Variants in ITPR1 observed in about 807,000 individuals in gnomAD.
The protein encoded by ITPR1 is inositol 1,4,5-trisphosphate-gated calcium channel ITPR1.
In ITPR1, 96 loss-of-function variants were observed where a neutral mutation model predicts 318.4. The ratio of observed to expected loss-of-function variants is 0.30; its 90% CI spans 0.26 to 0.36. The LOEUF (loss-of-function observed/expected upper bound fraction) is 0.36. Ranked by LOEUF, ITPR1 falls within the 10% of genes least tolerant of loss-of-function variation. ITPR1 has a pLI of 1.00. For missense variants in ITPR1, 2,440 were observed against 3,460.2 expected, an observed-to-expected ratio of 0.71 and a Z score of 7.40; for synonymous variants, 1,312 against 1,289.9, an observed-to-expected ratio of 1.02 and a Z score of -0.37.
intron 10 of ITPR1, among the ~76,000 whole-genome samples, chr3:4,646,715 A>G (rs867624279): frequency 2.8e-4 from 43 of 152,136 alleles, no homozygotes; most frequent in African/African-American, 8.0e-4. Context: ...CAAAGAAGGA[A>G]ATGTTCTGAA....
intron 4 of ITPR1, among the ~76,000 whole-genome samples, chr3:4,530,488 A>G (rs538450392): frequency 1.3e-5 from 2 of 152,312 alleles, no homozygotes; most frequent in South Asian, 2.1e-4. Flanking sequence ...TTACTCTTGA[A>G]AAGCTTTCCT....
intron 51 of ITPR1, among the ~76,000 whole-genome samples, chr3:4,786,583 A>G (rs529577288): frequency 1.3e-5 from 2 of 152,364 alleles, no homozygotes; most frequent in East Asian, 3.9e-4. Context: ...GAGGAGGAAG[A>G]AGAGAGACTT....
chr3:4,650,605 T>TTC (rs752768399), intron 10 of ITPR1, among the ~76,000 whole-genome samples: 1 of 133,210 alleles, frequency 7.5e-6, no homozygotes, highest in African/African-American at 2.8e-5. Context: ...TGATATGCCT[T>TTC]AGTGTGTGTG....
At chr3:4,803,417 A>C (rs2048365779) in intron 54 of ITPR1, among the ~76,000 whole-genome samples, 1 of 152,212 alleles carries the variant, frequency 6.6e-6, no homozygotes, top group African/African-American at 2.4e-5. Context: ...GAGAAGAATA[A>C]TGTGGCCATC....
intron 13 of ITPR1, among the ~76,000 whole-genome samples, chr3:4,658,594 A>G (rs956450877): frequency 1.8e-4 from 27 of 150,954 alleles, no homozygotes; most frequent in African/African-American, 6.6e-4. Flanking sequence ...TGGTTTGGGG[A>G]AAAAGGAAGG....
intron 4 of ITPR1, among the ~76,000 whole-genome samples, chr3:4,563,339 G>A (rs1022672029): frequency 1.1e-4 from 16 of 152,056 alleles, no homozygotes; most frequent in East Asian, 9.7e-4. Flanking sequence ...GACACCGTAC[G>A]TCTACAAAGA....
At chr3:4,653,999 C>A in intron 12 of ITPR1, 113 bp downstream of exon 12, 1 of 680,600 alleles carries the variant, frequency 1.5e-6, no homozygotes, top group South Asian at 1.8e-5. Flanking sequence ...GAAGGAGGAA[C>A]CTTAGGCTCC....
At chr3:4,823,849 C>G (rs911646836) in intron 60 of ITPR1, among the ~76,000 whole-genome samples, 2 of 152,130 alleles carry the variant, frequency 1.3e-5, no homozygotes, top group Non-Finnish European at 2.9e-5. Context: ...ACATGTAACA[C>G]AATTTCATAT....
At chr3:4,709,191 C>G (rs934723138) in intron 37 of ITPR1, among the ~76,000 whole-genome samples, 2 of 152,092 alleles carry the variant, frequency 1.3e-5, no homozygotes, top group Non-Finnish European at 2.9e-5. Flanking sequence ...AGAAATGACC[C>G]TTTTTTGACT....
intron 4 of ITPR1, among the ~76,000 whole-genome samples, chr3:4,607,182 C>G (rs1424071119): frequency 6.6e-6 from 1 of 152,176 alleles, no homozygotes; most frequent in Non-Finnish European, 1.5e-5. Flanking sequence ...TCAGTGTGGT[C>G]TCAGACCAGC....
intron 55 of ITPR1, among the ~76,000 whole-genome samples, chr3:4,810,405 A>G (rs1420409802): frequency 2.6e-5 from 4 of 152,216 alleles, no homozygotes; most frequent in African/African-American, 9.7e-5. Context: ...ACCTATATGT[A>G]CCTACAAGGA....
intron 40 of ITPR1, among the ~76,000 whole-genome samples, chr3:4,722,914 C>T (rs548403117): frequency 3.9e-4 from 59 of 152,254 alleles, no homozygotes; most frequent in South Asian, 2.7e-3. Flanking sequence ...TTTGGGAGCC[C>T]GAGGCAGGCG....
chr3:4,628,193 C>CTGG (rs922768466), intron 5 of ITPR1, among the ~76,000 whole-genome samples: 8 of 152,204 alleles, frequency 5.3e-5, no homozygotes, highest in African/African-American at 1.9e-4. Flanking sequence ...CACTCAGCAA[C>CTGG]TGGTGCTCTT....
chr3:4,611,022 C>T, intron 4 of ITPR1, among the ~76,000 whole-genome samples: 4 of 36,304 alleles, frequency 1.1e-4, no homozygotes, highest in Non-Finnish European at 2.3e-4. Context: ...TTCCCCTTCC[C>T]CTTCCTCCCT....
intron 4 of ITPR1, among the ~76,000 whole-genome samples, chr3:4,602,770 C>T (rs2091394006): frequency 6.6e-6 from 1 of 152,014 alleles, no homozygotes; most frequent in South Asian, 2.1e-4. Flanking sequence ...AAAAGGCTAC[C>T]TATTTTGTGA....
chr3:4,774,227 A>G (rs2046351537), intron 46 of ITPR1, among the ~76,000 whole-genome samples: 1 of 152,184 alleles, frequency 6.6e-6, no homozygotes, highest in Non-Finnish European at 1.5e-5. Flanking sequence ...GGTGTTTCTA[A>G]TTTATAATAT....
At position 4,833,792 on chromosome 3, in the gene ITPR1, A is replaced by T. The variant is rs576057865; in HGVS notation, c.8029-2982A>T. Among the ~76,000 whole-genome samples the T allele has an allele frequency of 2.6e-5, 4 of 152,312 alleles. No individual in the cohort carries two copies. In the South Asian group the frequency reaches 8.3e-4, roughly 32 times the overall value. ...CTTCTTTAGGGCCAAGCCTTGCTTG[A>T]AGAGGATTTTAGCCAATCAATCAGT... On this transcript the variant is annotated intron_variant, in intron 60 of 61. Transcript: ENST00000649015.
intron 3 of ITPR1, among the ~76,000 whole-genome samples, chr3:4,518,875 G>C (rs558394151): frequency 6.6e-6 from 1 of 152,272 alleles, no homozygotes; most frequent in Admixed American, 6.5e-5. Flanking sequence ...CTCAAGACCA[G>C]CTTTTAAGAC....
chr3:4,732,976 G>T (rs574590600), intron 42 of ITPR1, 112 bp from the exon 43 acceptor site: 5 of 1,033,718 alleles, frequency 4.8e-6, no homozygotes, highest in Non-Finnish European at 7.3e-6. Flanking sequence ...TTATTCTTTC[G>T]CCAAGTGAAA....
Sources: allele counts gnomAD v4.1 joint callset (sites outside exome capture counted in the v4.1 genomes callset), GRCh38; gene constraint gnomAD v4.1.1; transcripts MANE v1.5; gene names NCBI Gene and HGNC (gene_info 2026-07-23, HGNC 2026-07-21).